Variants in KIF26B observed in about 807,000 individuals in gnomAD.
The protein encoded by KIF26B is kinesin-like protein KIF26B.
KIF26B carries 63 observed loss-of-function variants against 151.2 expected under a neutral mutation model. The observed-to-expected ratio is 0.42, with a 90% CI of 0.34 to 0.51. The LOEUF is 0.51. Ranked by LOEUF, KIF26B falls within the 20% of genes least tolerant of loss-of-function variation. The pLI, the probability that KIF26B is intolerant of heterozygous loss-of-function variation, is 0.07. For missense variants in KIF26B, 2,813 were observed against 2,913.6 expected (o/e 0.97, Z 0.79); for synonymous variants, 1,357 against 1,262.1 (o/e 1.08, Z -1.59).
intron 4 of KIF26B, among the ~76,000 whole-genome samples, chr1:245,438,165 C>T (rs1292588381): frequency 6.6e-6 from 1 of 152,144 alleles, no homozygotes; most frequent in Non-Finnish European, 1.5e-5. Context: ...ATTTGGTTAG[C>T]CTCTTAAATG....
chr1:245,408,359 T>C (rs1383946505), intron 3 of KIF26B, among the ~76,000 whole-genome samples: 1 of 146,566 alleles, frequency 6.8e-6, no homozygotes. Flanking sequence ...CTTTTTTTTT[T>C]TTTTTTTTTT....
intron 5 of KIF26B, among the ~76,000 whole-genome samples, chr1:245,570,340 T>A (rs954941550): frequency 1.3e-5 from 2 of 152,220 alleles, no homozygotes; most frequent in Non-Finnish European, 2.9e-5. Context: ...GTGTTTCTTC[T>A]GCACATCCCA....
chr1:245,336,133 C>T (rs1160532225), intron 2 of KIF26B, among the ~76,000 whole-genome samples: 3 of 138,902 alleles, frequency 2.2e-5, no homozygotes, highest in African/African-American at 5.6e-5. Context: ...AAGAGTCCCA[C>T]GCAGGGAGAG....
intron 5 of KIF26B, among the ~76,000 whole-genome samples, chr1:245,575,968 G>A (rs1207312422): frequency 3.9e-5 from 6 of 152,046 alleles, no homozygotes; most frequent in Non-Finnish European, 7.4e-5. Context: ...GTCTAAGCCA[G>A]AGATCACACC....
intron 2 of KIF26B, among the ~76,000 whole-genome samples, chr1:245,294,528 A>G (rs1348418868): frequency 4.6e-5 from 7 of 152,196 alleles, no homozygotes; most frequent in African/African-American, 1.7e-4. Flanking sequence ...AAACTCAACC[A>G]GGTATGTAGC....
At chr1:245,477,793 A>G (rs1222410419) in intron 4 of KIF26B, among the ~76,000 whole-genome samples, 1 of 151,828 alleles carries the variant, frequency 6.6e-6, no homozygotes, top group African/African-American at 2.4e-5. Context: ...AAGTCTCAGG[A>G]GGGTCAGAGT....
intron 5 of KIF26B, 53 bp downstream of exon 5, chr1:245,541,003 A>G: frequency 1.4e-6 from 2 of 1,473,532 alleles, no homozygotes; most frequent in South Asian, 1.3e-5. Flanking sequence ...GTTCTGGATC[A>G]AGTTTCAGGA....
chr1:245,524,971 GTTCCGTC>G (rs1558199563), intron 4 of KIF26B, among the ~76,000 whole-genome samples: 1 of 152,070 alleles, frequency 6.6e-6, no homozygotes, highest in Non-Finnish European at 1.5e-5. Flanking sequence ...TTAGCCACTT[GTTCCGTC>G]TTCCTCTTTA....
intron 5 of KIF26B, among the ~76,000 whole-genome samples, chr1:245,589,476 G>A (rs1407791723): frequency 6.6e-6 from 1 of 152,154 alleles, no homozygotes; most frequent in Non-Finnish European, 1.5e-5. Context: ...GGTCTCCTCC[G>A]TACGTGCCAC....
At chr1:245,186,782 A>G (rs1477928239) in intron 2 of KIF26B, among the ~76,000 whole-genome samples, 1 of 152,098 alleles carries the variant, frequency 6.6e-6, no homozygotes, top group Non-Finnish European at 1.5e-5. Context: ...GTATTATTAT[A>G]TCATCATCAT....
chr1:245,686,652 C>A lies in KIF26B; in HGVS notation c.3669C>A (p.Ala1223=). 1 of 1,611,102 alleles carries A rather than the reference C, an allele frequency of 6.2e-7. No homozygotes were observed. The highest frequency in any genetic ancestry group is 8.5e-7 in the Non-Finnish European group (1 of 1,178,950). The change falls in exon 12 of 15, where the codon GCC becomes GCA. Residue 1223 remains alanine (A), a synonymous_variant. Coordinates refer to ENST00000407071, the MANE Select transcript of KIF26B (RefSeq NM_018012.4). The surrounding 1 kb of genome is among the most constrained non-coding windows in gnomAD (Gnocchi z 5.6). The stretch of plus-strand genomic sequence containing the variant: ...GCGACTGCTCTGCACGGGCCCTGGC[C>A]TCGGGCTCGCGGCCCGTCAGCATCA... ...FNSDCSARAL[A]SGSRPVSIIS...
In KIF26B at chr1:245,367,696, G is replaced by C. The variant is rs1384409433; in HGVS notation, c.999+329G>C. On this transcript the variant is annotated intron_variant, in intron 3 of 14. Coordinates refer to ENST00000407071, the MANE Select transcript of KIF26B (RefSeq NM_018012.4). The surrounding 1 kb of genome is among the most constrained non-coding windows in gnomAD (Gnocchi z 4.2). ...GCCAGCAGATTTACCACATGGCAGA[G>C]CCATGAAGAGGTAGGCCACACAGAT... Among the ~76,000 whole-genome samples the C allele has an allele frequency of 1.3e-5, 2 of 152,246 alleles. No homozygotes were observed. Among genetic ancestry groups the C allele is most frequent in the African/African-American group, 4.8e-5 (2 of 41,460 alleles).
At chr1:245,500,942 C>T (rs1196274256) in intron 4 of KIF26B, among the ~76,000 whole-genome samples, 1 of 152,208 alleles carries the variant, frequency 6.6e-6, no homozygotes, top group Non-Finnish European at 1.5e-5. Flanking sequence ...CCTCCATCCC[C>T]TGACAATCAA....
At position 245,488,262 on chromosome 1, in the gene KIF26B, T is replaced by A. The variant is rs183030386; in HGVS notation, c.1167-52505T>A. On this transcript the variant is annotated intron_variant, in intron 4 of 14. Transcript: ENST00000407071. The surrounding 1 kb of genome is among the most constrained non-coding windows in gnomAD (Gnocchi z 4.6). ...TGGTACACTGTCTTCATTGCTTTGA[T>A]AGCAACTTTTAGGCTCCCTTAGCTT... 1.3e-3 allele frequency among the ~76,000 whole-genome samples: 205 copies of A among 152,060 alleles called. No homozygotes were observed. Among genetic ancestry groups the A allele is most frequent in the Non-Finnish European group, 2.1e-3 (143 of 67,988 alleles).
chr1:245,269,743 G>A lies in KIF26B; in HGVS notation c.466-97091G>A, dbSNP rs1269569831. ...CTCCCAAAGTGCTGGGATTACAAGC[G>A]TGAGCCACCGCACCTGCCCCCACCC... On this transcript the variant is annotated intron_variant, in intron 2 of 14. Coordinates refer to ENST00000407071, the MANE Select transcript of KIF26B (RefSeq NM_018012.4). Among the ~76,000 whole-genome samples the A allele has an allele frequency of 2.6e-5, 4 of 151,886 alleles. No homozygotes were observed. The South Asian group carries it at 6.3e-4, about 24-fold the overall frequency.
At chr1:245,165,890 A>G (rs1017157726) in intron 2 of KIF26B, among the ~76,000 whole-genome samples, 5 of 152,178 alleles carry the variant, frequency 3.3e-5, no homozygotes, top group African/African-American at 1.2e-4. Flanking sequence ...GAGAAAGCCA[A>G]TGGCATTGTG....
intron 2 of KIF26B, among the ~76,000 whole-genome samples, chr1:245,354,882 C>G (rs1200167527): frequency 6.6e-6 from 1 of 152,152 alleles, no homozygotes; most frequent in East Asian, 1.9e-4. Flanking sequence ...AACCTTGACC[C>G]CACGGACATC....
intron 3 of KIF26B, among the ~76,000 whole-genome samples, chr1:245,391,494 A>G (rs769603149): frequency 6.6e-6 from 1 of 152,120 alleles, no homozygotes; most frequent in Non-Finnish European, 1.5e-5. Flanking sequence ...TAAGCAACTC[A>G]TTAAAGAGAT....
intron 4 of KIF26B, among the ~76,000 whole-genome samples, chr1:245,465,021 C>T (rs1234813476): frequency 2.1e-5 from 3 of 140,578 alleles, no homozygotes; most frequent in Non-Finnish European, 1.5e-5. Flanking sequence ...CTCTGTCGCC[C>T]AGGCTGGAGT....
Sources: gnomAD v4.1 joint callset for allele counts (sites outside exome capture counted in the v4.1 genomes callset) on GRCh38, gnomAD v4.1.1 for gene constraint, Gnocchi (gnomAD v3.1) non-coding constraint, MANE v1.5 for transcripts, NCBI Gene and HGNC (gene_info 2026-07-23, HGNC 2026-07-21) for gene names.